WDR17: variants seen among roughly 807,000 people sequenced by gnomAD.
The protein encoded by WDR17 is WD repeat-containing protein 17.
A neutral mutation model predicts 161.7 loss-of-function variants in WDR17; 143 were observed. That is an observed-to-expected ratio of 0.88 (90% CI 0.77 to 1.02). The LOEUF (loss-of-function observed/expected upper bound fraction) is 1.02. Among genes scored for constraint, WDR17 ranks in the 50% least tolerant of loss-of-function variants. WDR17 has a pLI of 0.00. For synonymous variants in WDR17, 517 were observed against 515.6 expected (o/e 1.00, Z -0.04); for missense variants, 1,469 against 1,520.9 (o/e 0.97, Z 0.57).
At chr4:176,163,403 G>A (rs2126856541) in intron 22 of WDR17, 110 bp downstream of exon 22, 1 of 1,186,610 alleles carries the variant, frequency 8.4e-7, no homozygotes, top group East Asian at 2.6e-5. Flanking sequence ...GGATCACCTT[G>A]TTTATAAAGG....
chr4:176,168,541 T>C, intron 22 of WDR17, 131 bp from the exon 23 acceptor site: 1 of 1,026,712 alleles, frequency 9.7e-7, no homozygotes. Flanking sequence ...TTAAGTAGGC[T>C]ATTAATACTG....
In WDR17 at chr4:176,066,067, C is replaced by A. The variant is rs1459147288; in HGVS notation, c.-19C>A. The A allele has an allele frequency of 6.6e-6, 1 of 152,440 alleles. No individual in the cohort carries two copies. Among genetic ancestry groups the A allele is most frequent in the African/African-American group, 2.4e-5 (1 of 41,450 alleles). 9.4% of individuals were successfully genotyped at this position (152,440 alleles called of 1,614,324 possible). A position where few individuals can be genotyped will look rare whatever the true frequency, so the allele number is the denominator to read the frequency against. On this transcript the variant is annotated 5_prime_UTR_variant, in exon 1 of 29. Coordinates refer to ENST00000508596, the MANE Select transcript of WDR17 (RefSeq NM_181265.4). ...CTTCCGCTGTCCGCCGCTGCAGCCG[C>A]CTCCTCCTCCAGGTAAGAAGCCGGT...
Position 176,135,181 on chromosome 4 carries a change from A to G in WDR17, c.1172A>G (p.Asp391Gly). The G allele has an allele frequency of 6.2e-7, 1 of 1,612,362 alleles. No individual in the cohort carries two copies. Among genetic ancestry groups the G allele is most frequent in the East Asian group, 2.2e-5 (1 of 44,780 alleles). Residue 391 changes from aspartate (D) to glycine (G), a missense_variant, in exon 8 of 29, where the codon GAT becomes GGT. Asp to Gly is a moderately conservative substitution (Grantham distance 94). Transcript: ENST00000508596. ...AATCTTTTAGCAACAGCTTCATTTG[A>G]TGGCACTATAAAAGTCTGGGATATA... ...DPNLLATASF[D>G]GTIKVWDINT...
intron 1 of WDR17, among the ~76,000 whole-genome samples, chr4:176,069,890 C>T (rs575959432): frequency 1.3e-5 from 2 of 152,134 alleles, no homozygotes; most frequent in African/African-American, 4.8e-5. Context: ...TAAGAAATAG[C>T]TAACATTTAA....
chr4:176,153,997 A>G (rs1364007523), intron 17 of WDR17, among the ~76,000 whole-genome samples: 2 of 152,234 alleles, frequency 1.3e-5, no homozygotes, highest in African/African-American at 4.8e-5. Flanking sequence ...AAAGGAATTA[A>G]TAAATTTTGG....
At chr4:176,127,504 C>T (rs1041292853) in intron 5 of WDR17, among the ~76,000 whole-genome samples, 2 of 152,036 alleles carry the variant, frequency 1.3e-5, no homozygotes, top group East Asian at 3.9e-4. Context: ...CCATGTTGGC[C>T]AGGCTGGTCT....
At chr4:176,139,776 T>G in intron 9 of WDR17, 116 bp from the exon 10 acceptor site, 1 of 748,976 alleles carries the variant, frequency 1.3e-6, no homozygotes, top group Non-Finnish European at 2.2e-6. Flanking sequence ...AATGCCTCTG[T>G]TAGTGTCATC....
intron 21 of WDR17, 73 bp from the exon 22 acceptor site, chr4:176,163,081 A>G (rs1749275060): frequency 6.4e-7 from 1 of 1,566,848 alleles, no homozygotes; most frequent in African/African-American, 1.4e-5. Flanking sequence ...TATCTGCTTT[A>G]TGAGCTTGGA....
At chr4:176,125,819 T>C (rs953040677) in intron 5 of WDR17, among the ~76,000 whole-genome samples, 2 of 152,342 alleles carry the variant, frequency 1.3e-5, no homozygotes, top group African/African-American at 4.8e-5. Context: ...GAGTAATCTA[T>C]AAACCATAAA....
intron 1 of WDR17, among the ~76,000 whole-genome samples, chr4:176,097,157 A>G (rs1168764402): frequency 6.6e-6 from 1 of 152,058 alleles, no homozygotes; most frequent in Non-Finnish European, 1.5e-5. Flanking sequence ...AAAAAATGCT[A>G]TTTAAAATGT....
At position 176,131,573 on chromosome 4, in the gene WDR17, C is replaced by A; in HGVS notation, c.933C>A (p.Thr311=). 1 of 1,605,602 alleles carries A rather than the reference C, an allele frequency of 6.2e-7. No individual in the cohort carries two copies. The highest frequency in any genetic ancestry group is 8.5e-7 in the Non-Finnish European group (1 of 1,176,300). The change falls in exon 7 of 29, where the codon ACC becomes ACA. Residue 311 remains threonine (T), a synonymous_variant. Transcript: ENST00000508596. ...PRKKFSVQSP[T]KNHYTSSTSE... Reference sequence around the variant, plus strand: ...TTTTAGTTTCAGTCCAATCTCCAACCAAAAATCATTATACATCCTCAACAA... The same window carrying A: ...TTTTAGTTTCAGTCCAATCTCCAACAAAAAATCATTATACATCCTCAACAA...
At chr4:176,152,883 C>A (rs909215365) in intron 17 of WDR17, among the ~76,000 whole-genome samples, 3 of 150,882 alleles carry the variant, frequency 2.0e-5, no homozygotes, top group Non-Finnish European at 4.4e-5. Flanking sequence ...TGCACGGAGC[C>A]GAGATCGCAC....
Position 176,177,068 on chromosome 4 carries a change from A to C in WDR17, c.3460A>C (p.Lys1154Gln). 6.2e-7 allele frequency: 1 copy of C among 1,613,776 alleles called. No homozygotes were observed. Residue 1154 changes from lysine to glutamine, a missense_variant, in exon 27 of 29, where the codon AAA becomes CAA. By Grantham distance (53) the Lys-to-Gln change is moderately conservative. Coordinates refer to ENST00000508596, the MANE Select transcript of WDR17 (RefSeq NM_181265.4). ...TTTTCACACGTTCAGTCAGCTATTA[A>C]AACGTCGGGAGGTGTCAGTACCTTT... The part of the protein sequence containing the change: ...ALYEYTSQLL[K>Q]RREVSVPLKI...
At chr4:176,156,355 T>C (rs867834742) in intron 18 of WDR17, among the ~76,000 whole-genome samples, 79 of 152,270 alleles carry the variant, frequency 5.2e-4, no homozygotes, top group African/African-American at 1.7e-3. Context: ...CTGATGAAGA[T>C]AGCAGAAGGC....
chr4:176,090,148 G>C (rs1365388361), intron 1 of WDR17, among the ~76,000 whole-genome samples: 3 of 151,784 alleles, frequency 2.0e-5, no homozygotes, highest in African/African-American at 7.3e-5. Context: ...TTAGGGTATA[G>C]TGAGGTGTTT....
chr4:176,096,703 AGC>A, intron 1 of WDR17: 1 of 690,596 alleles, frequency 1.4e-6, no homozygotes, highest in East Asian at 3.1e-5. Flanking sequence ...CAAAGTTCTG[AGC>A]GTGAATAAGA....
At chr4:176,155,323 T>C (rs1747886254) in intron 17 of WDR17, among the ~76,000 whole-genome samples, 1 of 151,786 alleles carries the variant, frequency 6.6e-6, no homozygotes, top group Non-Finnish European at 1.5e-5. Context: ...TTTAAAATAT[T>C]TTAATATGTA....
rs139416948 is a variant in WDR17 at position 176,149,898 on chromosome 4, T to A, written c.1989T>A (p.Thr663=). The A allele has an allele frequency of 2.1e-5, 34 of 1,613,868 alleles. No individual in the cohort carries two copies. The highest frequency in any genetic ancestry group is 6.7e-5 in the Admixed American group (4 of 59,962). Residue 663 remains threonine (T), a synonymous_variant, in exon 14 of 29, where the codon ACT becomes ACA. Transcript: ENST00000508596. The stretch of plus-strand genomic sequence containing the variant: ...TCTGGTCATTAACAGCCTTAGTCAC[T>A]CCTGTACAAATAAATATTCTGGCAG... ...VRLWSLTALV[T]PVQINILADR...
chr4:176,149,270 T>C (rs1045074489), intron 13 of WDR17, among the ~76,000 whole-genome samples: 11 of 152,200 alleles, frequency 7.2e-5, no homozygotes, highest in Middle Eastern at 3.4e-3. Flanking sequence ...TTTATTATTA[T>C]TTTGTTTTTT....
Sources: allele counts gnomAD v4.1 joint callset (sites outside exome capture counted in the v4.1 genomes callset), GRCh38; gene constraint gnomAD v4.1.1; transcripts MANE v1.5; gene names NCBI Gene and HGNC (gene_info 2026-07-23, HGNC 2026-07-21).